Variants in TJP1 observed in about 807,000 individuals in gnomAD.
The protein encoded by TJP1 is tight junction protein ZO-1.
A neutral mutation model predicts 194.2 loss-of-function variants in TJP1; 43 were observed. The ratio of observed to expected loss-of-function variants is 0.22; its 90% CI spans 0.17 to 0.29. TJP1 has a LOEUF of 0.29. TJP1 is among the 10% of genes least tolerant of loss of function. The pLI is 1.00. For synonymous variants in TJP1, 801 were observed against 779.0 expected (o/e 1.03, Z -0.47); for missense variants, 1,971 against 2,185.7 (o/e 0.90, Z 1.96).
intron 8 of TJP1, among the ~76,000 whole-genome samples, chr15:29,760,796 A>G (rs1328419835): frequency 6.6e-6 from 1 of 152,222 alleles, no homozygotes; most frequent in Admixed American, 6.5e-5. Flanking sequence ...CTTCTAATGC[A>G]ATAGTATGAC....
chr15:29,704,408 T>TA, intron 26 of TJP1, 103 bp from the exon 27 acceptor site: 1 of 1,407,044 alleles, frequency 7.1e-7, no homozygotes, highest in South Asian at 1.4e-5. Context: ...GAAAGCCTAA[T>TA]GGAGTTAGTT....
chr15:29,786,536 G>C (rs575592254), intron 2 of TJP1, among the ~76,000 whole-genome samples: 4 of 152,302 alleles, frequency 2.6e-5, no homozygotes, highest in African/African-American at 9.6e-5. Context: ...GTCTCACTCT[G>C]TTGCCCAGAA....
chr15:29,852,146 T>A (rs1474310390), intron 2 of TJP1, among the ~76,000 whole-genome samples: 1 of 152,174 alleles, frequency 6.6e-6, no homozygotes, highest in South Asian at 2.1e-4. Flanking sequence ...AAATTAAAAA[T>A]TTTTTGTTCT....
chr15:29,943,836 T>A (rs1250162807), intron 2 of TJP1, among the ~76,000 whole-genome samples: 3 of 150,610 alleles, frequency 2.0e-5, no homozygotes, highest in African/African-American at 7.3e-5. Flanking sequence ...TAGTCCTAGC[T>A]ACTCAGGAGG....
intron 2 of TJP1, among the ~76,000 whole-genome samples, chr15:29,920,101 G>A (rs776127409): frequency 2.0e-5 from 3 of 152,134 alleles, no homozygotes; most frequent in East Asian, 1.9e-4. Flanking sequence ...CACAGATGCC[G>A]AAACTGGGGC....
At chr15:29,901,244 G>A (rs961859457) in intron 2 of TJP1, among the ~76,000 whole-genome samples, 8 of 152,174 alleles carry the variant, frequency 5.3e-5, no homozygotes, top group African/African-American at 1.9e-4. Context: ...ATGTAGGCAC[G>A]ACATCCTGAA....
rs765675495 is a variant in TJP1, at chr15:29,708,944, TTGG to T, written c.4462_4464del (p.Pro1488del). 178 of 1,614,152 alleles carry T rather than the reference TTGG, an allele frequency of 1.1e-4. 2 individuals are homozygous for T. The East Asian group carries it at 2.5e-3, about 23-fold the overall frequency. On this transcript the variant is annotated inframe_deletion, in exon 25 of 28. Transcript: ENST00000614355. ...GCTGCCTGAGCAGTATCTTCTCGGT[TTGG>T]TGGTCTGAAAGTTGCTGGCTTATTC...
chr15:29,968,807 C>G (rs1174345116), exon 1 of TJP1: 19 of 1,167,632 alleles, frequency 1.6e-5, no homozygotes, highest in Non-Finnish European at 2.1e-5. Flanking sequence ...GCCTCCGCCG[C>G]CGCCGCAGAC....
intron 2 of TJP1, among the ~76,000 whole-genome samples, chr15:29,889,709 C>T (rs1353311235): frequency 6.6e-6 from 1 of 152,204 alleles, no homozygotes; most frequent in African/African-American, 2.4e-5. Flanking sequence ...AATGTCATGG[C>T]AGTCCCTAGC....
chr15:29,960,569 G>A lies in TJP1; in HGVS notation c.174-4205C>T, dbSNP rs143073654. Among the ~76,000 whole-genome samples, 6 of 151,628 alleles carry A rather than the reference G, an allele frequency of 4.0e-5. No individual in the cohort carries two copies. In the South Asian group the frequency reaches 6.3e-4, roughly 16 times the overall value. ...GAAGATCACCTAAGGCCAGGACGTC[G>A]AGGTTGCAGCGAATGGTGATCATAC... On this transcript the variant is annotated intron_variant, in intron 1 of 28. Coordinates refer to the TJP1 transcript ENST00000356107.
At chr15:29,720,318 T>TGCA (rs2042851398) in intron 19 of TJP1, 40 bp downstream of exon 19, 1 of 1,458,316 alleles carries the variant, frequency 6.9e-7, no homozygotes, top group African/African-American at 1.4e-5. Flanking sequence ...AATTTAATAA[T>TGCA]GCACCTCTAT....
intron 4 of TJP1, among the ~76,000 whole-genome samples, chr15:29,770,636 C>T (rs1218036859): frequency 3.3e-5 from 5 of 150,872 alleles, no homozygotes; most frequent in East Asian, 2.0e-4. Flanking sequence ...GCCAAGATCG[C>T]GCCACTGCAC....
intron 2 of TJP1, among the ~76,000 whole-genome samples, chr15:29,798,760 C>T (rs1322319545): frequency 6.6e-6 from 1 of 152,146 alleles, no homozygotes; most frequent in Non-Finnish European, 1.5e-5. Context: ...CTGCAAAACA[C>T]AAATATACCA....
At chr15:29,926,915 C>T (rs2054544657) in intron 2 of TJP1, among the ~76,000 whole-genome samples, 1 of 151,924 alleles carries the variant, frequency 6.6e-6, no homozygotes, top group Non-Finnish European at 1.5e-5. Flanking sequence ...TGAAAAATTA[C>T]CCTAGTATTC....
chr15:29,795,964 AAAC>A (rs753682324), intron 2 of TJP1, among the ~76,000 whole-genome samples: 5 of 152,272 alleles, frequency 3.3e-5, no homozygotes, highest in African/African-American at 9.6e-5. Flanking sequence ...TCATGATTAA[AAAC>A]AACCATCTCT....
At chr15:29,705,499 A>G (rs2041836304) in intron 26 of TJP1, 29 bp downstream of exon 26, 6 of 1,610,102 alleles carry the variant, frequency 3.7e-6, no homozygotes, top group East Asian at 4.5e-5. Flanking sequence ...TAAGTTATCA[A>G]AACTAAGGAG....
chr15:29,773,294 C>T lies in TJP1; in HGVS notation c.148G>A (p.Gly50Arg). 2.5e-6 allele frequency: 4 copies of T among 1,614,040 alleles called. No individual in the cohort carries two copies. Among genetic ancestry groups the T allele is most frequent in the Non-Finnish European group, 3.4e-6 (4 of 1,179,954 alleles). ...GGRDNPHFQS[G>R]ETSIVISDVL... is the part of the protein sequence containing the mutation. ...TCTGAAATCACTATTGACGTTTCCC[C>T]ACTCTGAAAATGAGGATTATCTCGT... The change falls in exon 3 of 28, where the codon GGG becomes AGG. Residue 50 changes from glycine (G) to arginine (R), a missense_variant. By Grantham distance (125) the Gly-to-Arg change is moderately radical (BLOSUM62 -2). Transcript: ENST00000614355.
intron 2 of TJP1, among the ~76,000 whole-genome samples, chr15:29,789,709 T>A (rs984244933): frequency 6.6e-6 from 1 of 152,168 alleles, no homozygotes; most frequent in African/African-American, 2.4e-5. Context: ...AAATTGACTG[T>A]CAGATGTCAA....
chr15:29,853,340 G>A (rs556940062), intron 2 of TJP1, among the ~76,000 whole-genome samples: 69 of 152,158 alleles, frequency 4.5e-4, no homozygotes, highest in Non-Finnish European at 8.7e-4. Context: ...ATCTCAATCC[G>A]ATAGTAGATA....
Sources: allele counts gnomAD v4.1 joint callset (sites outside exome capture counted in the v4.1 genomes callset), GRCh38; gene constraint gnomAD v4.1.1; transcripts MANE v1.5; gene names NCBI Gene and HGNC (gene_info 2026-07-23, HGNC 2026-07-21).